BTRC: variants seen among roughly 807,000 people sequenced by gnomAD.
The protein encoded by BTRC is F-box/WD repeat-containing protein 1A.
A neutral mutation model predicts 85.5 loss-of-function variants in BTRC; 42 were observed. The ratio of observed to expected loss-of-function variants is 0.49; its 90% confidence interval spans 0.38 to 0.64. The LOEUF (loss-of-function observed/expected upper bound fraction) is 0.64, where lower values mean the gene tolerates loss of function less well. Ranked by LOEUF, BTRC falls within the 30% of genes least tolerant of loss-of-function variation. BTRC has a pLI of 0.00. For synonymous variants in BTRC, 255 were observed against 263.3 expected, an observed-to-expected ratio of 0.97 and a Z score of 0.30; for missense variants, 594 against 743.5, an observed-to-expected ratio of 0.80 and a Z score of 2.34.
At chr10:101,428,750 G>A (rs560465198) in intron 1 of BTRC, among the ~76,000 whole-genome samples, 18 of 152,268 alleles carry the variant, frequency 1.2e-4, no homozygotes, top group African/African-American at 4.1e-4. Context: ...TCCTATGGGT[G>A]GTAAATAAAA....
intron 1 of BTRC, among the ~76,000 whole-genome samples, chr10:101,415,997 G>A (rs1381746548): frequency 2.0e-5 from 3 of 152,288 alleles, no homozygotes; most frequent in Non-Finnish European, 2.9e-5. Flanking sequence ...GTCTAGGCGT[G>A]TGGTAGTACC....
intron 2 of BTRC, among the ~76,000 whole-genome samples, chr10:101,455,825 C>A (rs964626035): frequency 3.9e-5 from 6 of 152,020 alleles, no homozygotes; most frequent in Admixed American, 1.3e-4. Context: ...GGCTTTTGAA[C>A]AGGAAAGTAA....
intron 1 of BTRC, among the ~76,000 whole-genome samples, chr10:101,398,560 C>T (rs1943421086): frequency 6.6e-6 from 1 of 152,178 alleles, no homozygotes; most frequent in South Asian, 2.1e-4. Context: ...GCCTTGACCT[C>T]CCAAAGTGCT....
At chr10:101,411,153 G>A (rs1460627696) in intron 1 of BTRC, among the ~76,000 whole-genome samples, 2 of 151,700 alleles carry the variant, frequency 1.3e-5, no homozygotes, top group African/African-American at 2.4e-5. Context: ...AGGCCCCTAC[G>A]CCTGGCTATT....
intron 1 of BTRC, among the ~76,000 whole-genome samples, chr10:101,388,197 TG>T (rs1408512695): frequency 1.3e-5 from 2 of 152,278 alleles, no homozygotes; most frequent in Admixed American, 1.3e-4. Flanking sequence ...AATCTTGCTC[TG>T]TTGCCCAGGC....
At chr10:101,518,739 A>G (rs1181534428) in intron 4 of BTRC, among the ~76,000 whole-genome samples, 1 of 152,134 alleles carries the variant, frequency 6.6e-6, no homozygotes, top group East Asian at 1.9e-4. Context: ...CCCAGGACCT[A>G]GGGTCTCAAA....
intron 1 of BTRC, among the ~76,000 whole-genome samples, chr10:101,374,470 A>C (rs924404236): frequency 6.6e-6 from 1 of 150,524 alleles, no homozygotes; most frequent in African/African-American, 2.4e-5. Context: ...TGATGAGTTC[A>C]TGTCCTTTGT....
Position 101,485,913 on chromosome 10 carries a change from A to G in BTRC, c.324+6456A>G, listed in dbSNP as rs1035865475. 2.0e-5 allele frequency among the ~76,000 whole-genome samples: 3 copies of G among 152,228 alleles called. No individual in the cohort carries two copies. The East Asian group carries it at 5.8e-4, about 29-fold the overall frequency. The stretch of plus-strand genomic sequence containing the variant: ...TGACTGCAGTATTGCCTGCTGATGC[A>G]TGTCGGATCACCCGCACAGAGAGAT... On this transcript the variant is annotated intron_variant, in intron 4 of 14. Coordinates refer to ENST00000370187, the MANE Select transcript of BTRC (RefSeq NM_033637.4).
chr10:101,519,412 T>C (rs1359238841), intron 4 of BTRC, among the ~76,000 whole-genome samples: 9 of 152,054 alleles, frequency 5.9e-5, no homozygotes, highest in Non-Finnish European at 8.8e-5. Flanking sequence ...CAGAATTCAG[T>C]TCCTTGCTGT....
chr10:101,416,556 GTTGTTA>G (rs2134040325), intron 1 of BTRC, among the ~76,000 whole-genome samples: 1 of 152,140 alleles, frequency 6.6e-6, no homozygotes, highest in African/African-American at 2.4e-5. Context: ...AGTTGTTGTT[GTTGTTA>G]TTGTTGTTGT....
intron 1 of BTRC, among the ~76,000 whole-genome samples, chr10:101,398,320 T>G (rs1450271804): frequency 1.3e-5 from 2 of 152,096 alleles, no homozygotes; most frequent in African/African-American, 2.4e-5. Flanking sequence ...TCTTTTTTTG[T>G]TTTTTTGAGA....
rs373557817 is a variant in BTRC, at chr10:101,521,629, C to T, written c.325-10C>T. ...AATCATTTTATGTTTCTTTTAACCCCCTTCTACAGACAAAACTTGCCAATG... is the reference window on the plus strand; with the variant it reads ...AATCATTTTATGTTTCTTTTAACCCTCTTCTACAGACAAAACTTGCCAATG... On this transcript the variant is annotated splice_polypyrimidine_tract_variant and intron_variant, in intron 4 of 14. Coordinates refer to ENST00000370187, the MANE Select transcript of BTRC (RefSeq NM_033637.4). 6.3e-7 allele frequency: 1 copy of T among 1,599,482 alleles called. No individual in the cohort carries two copies. Among genetic ancestry groups the T allele is most frequent in the Non-Finnish European group, 8.6e-7 (1 of 1,168,168 alleles).
At chr10:101,506,450 A>G (rs1443628878) in intron 4 of BTRC, among the ~76,000 whole-genome samples, 1 of 152,080 alleles carries the variant, frequency 6.6e-6, no homozygotes. Context: ...AGTCTGATAG[A>G]CTTGGCAATT....
intron 13 of BTRC, among the ~76,000 whole-genome samples, chr10:101,549,637 C>T (rs1278300764): frequency 7.1e-6 from 1 of 141,520 alleles, no homozygotes; most frequent in Non-Finnish European, 1.5e-5. Flanking sequence ...CGGCGTGAAC[C>T]CGGGAGGCAG....
chr10:101,399,847 G>A (rs950666224), intron 1 of BTRC, among the ~76,000 whole-genome samples: 3 of 152,072 alleles, frequency 2.0e-5, no homozygotes, highest in Admixed American at 6.6e-5. Flanking sequence ...AAAAAAATTA[G>A]GTATATTCAT....
At chr10:101,411,543 ATCT>A (rs777685827) in intron 1 of BTRC, among the ~76,000 whole-genome samples, 1 of 152,066 alleles carries the variant, frequency 6.6e-6, no homozygotes, top group South Asian at 2.1e-4. Context: ...GGGTTCACTG[ATCT>A]TCTACAGAGT....
intron 2 of BTRC, among the ~76,000 whole-genome samples, chr10:101,446,844 A>G (rs117159636): frequency 1.4e-3 from 218 of 152,210 alleles, no homozygotes; most frequent in Non-Finnish European, 2.7e-3. Flanking sequence ...TCTTCCCTCT[A>G]TCCCCCAAAG....
At chr10:101,445,986 G>A (rs1305587538) in intron 2 of BTRC, among the ~76,000 whole-genome samples, 3 of 152,124 alleles carry the variant, frequency 2.0e-5, no homozygotes, top group African/African-American at 7.2e-5. Context: ...TGTGGCACTG[G>A]GACGGAAGAT....
At chr10:101,472,292 C>T (rs1945549964) in intron 3 of BTRC, among the ~76,000 whole-genome samples, 1 of 148,308 alleles carries the variant, frequency 6.7e-6, no homozygotes, top group Non-Finnish European at 1.5e-5. Flanking sequence ...CTCTTCTCTT[C>T]TCTTCTCTTC....
Sources: gnomAD v4.1 joint callset for allele counts (sites outside exome capture counted in the v4.1 genomes callset) on GRCh38, gnomAD v4.1.1 for gene constraint, MANE v1.5 for transcripts, NCBI Gene and HGNC (gene_info 2026-07-23, HGNC 2026-07-21) for gene names.